The following SMC2 variants were observed in gnomAD, a reference collection of about 807,000 sequenced individuals.
SMC2 encodes structural maintenance of chromosomes 2.
SMC2 carries 41 observed loss-of-function variants against 142.6 expected under a neutral mutation model. The ratio of observed to expected loss-of-function variants is 0.29; its 90% CI spans 0.22 to 0.37. SMC2 has a LOEUF of 0.37. Among genes scored for constraint, SMC2 ranks in the 10% least tolerant of loss-of-function variants. SMC2 has a pLI of 1.00. For synonymous variants in SMC2, 463 were observed against 457.5 expected (o/e 1.01, Z -0.15); for missense variants, 1,265 against 1,373.7 (o/e 0.92, Z 1.25).
chr9:104,093,052 A>C (rs572771195), upstream of SMC2: 1 of 152,312 alleles, frequency 6.6e-6, no homozygotes, highest in African/African-American at 2.4e-5. Context: ...GACACACCTT[A>C]TTCTGTGACA....
Position 104,114,769 on chromosome 9 carries a change from A to C in SMC2, c.1611A>C (p.Ala537=), listed in dbSNP as rs770254681. 6 of 1,613,242 alleles carry C rather than the reference A, an allele frequency of 3.7e-6. No homozygotes were observed. Among genetic ancestry groups the C allele is most frequent in the Non-Finnish European group, 5.1e-6 (6 of 1,179,354 alleles). ...TGATTAGTGTGAAAGACACTTCTGC[A>C]ACCACAGCTTTAGAATTAGTGGCTG... is the stretch of plus-strand genomic sequence containing the variant. ...ASLISVKDTS[A]TTALELVAGE... is the part of the protein sequence containing the mutation. Residue 537 remains alanine (A), a synonymous_variant, in exon 13 of 25, where the codon GCA becomes GCC. Coordinates refer to ENST00000374793, the MANE Select transcript of SMC2 (RefSeq NM_006444.3).
At position 104,095,491 on chromosome 9, in the gene SMC2, G is replaced by T; in HGVS notation, c.107G>T (p.Ser36Ile). ...LFNAITGLNGSGKSNILDSIC... is the reference protein window; with the variant it reads ...LFNAITGLNGIGKSNILDSIC... ...AATGCTATCACTGGCTTAAATGGTAGTGGGAAATCCAACATATTGGACTCC... is the reference window on the plus strand; with the variant it reads ...AATGCTATCACTGGCTTAAATGGTATTGGGAAATCCAACATATTGGACTCC... The change falls in exon 2 of 25, where the codon AGT (serine) becomes ATT (isoleucine). Residue 36 changes from serine to isoleucine, a missense_variant. By Grantham distance (142) the Ser-to-Ile change is moderately radical. Coordinates refer to ENST00000374793, the MANE Select transcript of SMC2 (RefSeq NM_006444.3). The T allele has an allele frequency of 6.2e-7, 1 of 1,614,082 alleles. No individual in the cohort carries two copies. Among genetic ancestry groups the T allele is most frequent in the Non-Finnish European group, 8.5e-7 (1 of 1,179,944 alleles).
intron 23 of SMC2, among the ~76,000 whole-genome samples, chr9:104,137,234 C>T (rs1835648734): frequency 6.6e-6 from 1 of 152,086 alleles, no homozygotes; most frequent in Non-Finnish European, 1.5e-5. Flanking sequence ...AAGTATATTA[C>T]AAATGCTACT....
At chr9:104,112,980 A>G (rs558408837) in intron 10 of SMC2, among the ~76,000 whole-genome samples, 1 of 152,238 alleles carries the variant, frequency 6.6e-6, no homozygotes, top group East Asian at 1.9e-4. Context: ...AAAGAACGAG[A>G]GTTGTGATTT....
chr9:104,126,268 A>G (rs1834264716), intron 18 of SMC2, among the ~76,000 whole-genome samples: 1 of 152,192 alleles, frequency 6.6e-6, no homozygotes, highest in Non-Finnish European at 1.5e-5. Flanking sequence ...ACTGAAGGCT[A>G]TAGTGGGAAA....
intron 9 of SMC2, among the ~76,000 whole-genome samples, chr9:104,107,779 T>C (rs1345791398): frequency 6.6e-6 from 1 of 152,246 alleles, no homozygotes; most frequent in Admixed American, 6.5e-5. Flanking sequence ...CCTTTCTGAC[T>C]AGCCAGACTA....
intron 23 of SMC2, among the ~76,000 whole-genome samples, 191 bp from the exon 24 acceptor site, chr9:104,137,827 G>A (rs866314457): frequency 9.1e-5 from 13 of 142,338 alleles, no homozygotes; most frequent in Admixed American, 2.7e-4. Context: ...GAAATGGAAA[G>A]CTAAAATAAA....
At chr9:104,127,797 G>T (rs1412531493) in intron 20 of SMC2, among the ~76,000 whole-genome samples, 2 of 152,126 alleles carry the variant, frequency 1.3e-5, no homozygotes, top group Non-Finnish European at 2.9e-5. Flanking sequence ...TGATGTGCTA[G>T]TAATAATGAT....
At chr9:104,134,243 G>T (rs921039946) in intron 22 of SMC2, among the ~76,000 whole-genome samples, 172 bp from the exon 23 acceptor site, 1 of 152,074 alleles carries the variant, frequency 6.6e-6, no homozygotes, top group Non-Finnish European at 1.5e-5. Context: ...ACCGATAGAC[G>T]CTTTGTAAAT....
At chr9:104,090,300 A>C (rs2131251183), upstream of SMC2, among the ~76,000 whole-genome samples, 1 of 152,316 alleles carries the variant, frequency 6.6e-6, no homozygotes, top group East Asian at 1.9e-4. Flanking sequence ...GCCCTCCAAA[A>C]TTTTATACTT....
intron 22 of SMC2, among the ~76,000 whole-genome samples, chr9:104,134,194 G>T (rs915888251): frequency 6.6e-6 from 1 of 152,066 alleles, no homozygotes; most frequent in African/African-American, 2.4e-5. Flanking sequence ...AGCCCATCCA[G>T]TCTCTGTTGC....
chr9:104,100,342 T>A, intron 6 of SMC2, 47 bp from the exon 7 acceptor site: 1 of 1,481,282 alleles, frequency 6.8e-7, no homozygotes, highest in South Asian at 1.2e-5. Context: ...AAATAAATTT[T>A]AATGATACTT....
Position 104,102,510 on chromosome 9 carries a change from C to G in SMC2, c.957C>G (p.Leu319=), listed in dbSNP as rs764534222. The G allele has an allele frequency of 3.1e-6, 5 of 1,613,380 alleles. 1 individual carries two copies. The highest frequency in any genetic ancestry group is 3.3e-4 in the Middle Eastern group (2 of 6,060). The change falls in exon 9 of 25, where the codon CTC becomes CTG. Residue 319 remains leucine (L), a synonymous_variant. Transcript: ENST00000374793. ...VNTKSQSAFD[L]KKKNLACEES... ...CTAAATCTCAAAGCGCATTTGATCT[C>G]AAGAAGAAAAATCTGGCATGTGAGG...
At position 104,138,182 on chromosome 9, in the gene SMC2, A is replaced by C. The variant is rs201813389; in HGVS notation, c.3417+17A>C. On this transcript the variant is annotated intron_variant, in intron 24 of 24. Coordinates refer to ENST00000374793, the MANE Select transcript of SMC2 (RefSeq NM_006444.3). Reference sequence around the variant, plus strand: ...CATTCTCAGGTAAGAACCAGGAAAAAAAGTCTCAGTAATAGTTTAATTAGA... The same window carrying C: ...CATTCTCAGGTAAGAACCAGGAAAACAAGTCTCAGTAATAGTTTAATTAGA... 598 of 1,580,100 alleles carry C rather than the reference A, an allele frequency of 3.8e-4. No individual in the cohort carries two copies. Among genetic ancestry groups the C allele is most frequent in the Non-Finnish European group, 5.0e-4 (579 of 1,159,416 alleles).
Position 104,120,264 on chromosome 9 carries a change from AT to A in SMC2, c.2132+107del, listed in dbSNP as rs201941011. 1.5e-4 allele frequency: 166 copies of A among 1,138,150 alleles called. 1 individual carries two copies. In the East Asian group the frequency reaches 3.7e-3, roughly 25 times the overall value. The allele number at this position is 1,138,150 out of a possible 1,614,324, so 70.5% of individuals were successfully genotyped here. On this transcript the variant is annotated intron_variant, in intron 16 of 24. Coordinates refer to ENST00000374793, the MANE Select transcript of SMC2 (RefSeq NM_006444.3). ...AAATACAGCTTCTGACTTTTCTCATATTTTTGGTTTTATTTAAAATGTTTGA... is the reference window on the plus strand; with the variant it reads ...AAATACAGCTTCTGACTTTTCTCATATTTTGGTTTTATTTAAAATGTTTGA...
In SMC2 at chr9:104,118,351, G is replaced by T; in HGVS notation, c.1972G>T (p.Asp658Tyr). Residue 658 changes from aspartate to tyrosine, a missense_variant, in exon 15 of 25, where the codon GAT becomes TAT. Physicochemically the swap from Asp to Tyr is radical, Grantham distance 160. Coordinates refer to ENST00000374793, the MANE Select transcript of SMC2 (RefSeq NM_006444.3). ...TGTAACTCTCGGAGGTGATGTGTTT[G>T]ATCCTCATGGGACATTGAGTGGAGG... ...RTVTLGGDVF[D>Y]PHGTLSGGAR... 2 of 1,613,376 alleles carry T rather than the reference G, an allele frequency of 1.2e-6. No homozygotes were observed. Among genetic ancestry groups the T allele is most frequent in the Non-Finnish European group, 1.7e-6 (2 of 1,179,532 alleles).
intron 9 of SMC2, among the ~76,000 whole-genome samples, chr9:104,106,065 G>A (rs373518536): frequency 2.6e-5 from 4 of 152,236 alleles, no homozygotes; most frequent in African/African-American, 9.6e-5. Flanking sequence ...TGCCCTAGTC[G>A]GATGTTGGTA....
Position 104,134,401 on chromosome 9 carries a change from T to C in SMC2, c.3109-14T>C. ...GCATCCTGATGTTTTAACTTTTTTA[T>C]TTTTTAAATCCAGGTGAACAAGGAC... On this transcript the variant is annotated splice_polypyrimidine_tract_variant and intron_variant, in intron 22 of 24. Transcript: ENST00000374793. The C allele has an allele frequency of 6.4e-7, 1 of 1,561,122 alleles. No homozygotes were observed. Among genetic ancestry groups the C allele is most frequent in the East Asian group, 2.3e-5 (1 of 44,370 alleles).
chr9:104,109,904 TGAGA>T (rs1400886260), intron 9 of SMC2, among the ~76,000 whole-genome samples: 1 of 152,164 alleles, frequency 6.6e-6, no homozygotes, highest in East Asian at 1.9e-4. Flanking sequence ...TATTCATAGT[TGAGA>T]GAAATGTAAA....
Sources: gnomAD v4.1 joint callset for allele counts (sites outside exome capture counted in the v4.1 genomes callset) on GRCh38, gnomAD v4.1.1 for gene constraint, MANE v1.5 for transcripts, NCBI Gene and HGNC (gene_info 2026-07-23, HGNC 2026-07-21) for gene names.